MEAF6: variants seen among roughly 807,000 people sequenced by gnomAD.
The protein encoded by MEAF6 is chromatin modification-related protein MEAF6.
In MEAF6, 15 loss-of-function variants were observed where a neutral mutation model predicts 28.9. The ratio of observed to expected loss-of-function variants is 0.52; its 90% CI spans 0.35 to 0.80. The LOEUF (loss-of-function observed/expected upper bound fraction) is 0.80. Ranked by LOEUF, MEAF6 falls within the 30% of genes least tolerant of loss-of-function variation. The pLI is 0.01. For synonymous variants in MEAF6, 97 were observed against 88.7 expected (o/e 1.09, Z -0.53); for missense variants, 178 against 237.5 (o/e 0.75, Z 1.65).
chr1:37,510,435 G>A (rs12024863), intron 2 of MEAF6, among the ~76,000 whole-genome samples: 48,996 of 139,492 alleles, frequency 0.35, 8,726 homozygotes, highest in East Asian at 0.47. Flanking sequence ...AGACTGGAGT[G>A]CAGTGGTGCG....
Position 37,514,642 on chromosome 1 carries a change from G to C in MEAF6, c.90+15C>G. 1 of 1,519,430 alleles carries C rather than the reference G, an allele frequency of 6.6e-7. No homozygotes were observed. The highest frequency in any genetic ancestry group is 8.8e-7 in the Non-Finnish European group (1 of 1,137,820). The allele number at this position is 1,519,430 out of a possible 1,614,324, so 94.1% of individuals were successfully genotyped here. A position where few individuals can be genotyped will look rare whatever the true frequency, so the allele number is the denominator to read the frequency against. The stretch of plus-strand genomic sequence containing the variant: ...CGGAGCCCCATGCCGTGCAACCCCT[G>C]TCCTAGCCCCTCACCGCCAGCTCCT... On this transcript the variant is annotated intron_variant, in intron 1 of 6. Transcript: ENST00000296214.
In MEAF6 at chr1:37,508,684, C is replaced by T. The variant is rs116639581; in HGVS notation, c.340+594G>A. Among the ~76,000 whole-genome samples, 642 of 152,196 alleles carry T rather than the reference C, an allele frequency of 4.2e-3. 4 individuals carry two copies. The highest frequency in any genetic ancestry group is 0.015 in the African/African-American group (612 of 41,514). On this transcript the variant is annotated intron_variant, in intron 4 of 6. Transcript: ENST00000296214. ...AAGTTATTGTTTTAACTTTAATTCCCTAAGAATTTATAAGATTTATCAGTA... is the reference window on the plus strand; with the variant it reads ...AAGTTATTGTTTTAACTTTAATTCCTTAAGAATTTATAAGATTTATCAGTA...
chr1:37,499,346 T>C (rs1642222448), intron 5 of MEAF6, among the ~76,000 whole-genome samples: 1 of 152,190 alleles, frequency 6.6e-6, no homozygotes, highest in South Asian at 2.1e-4. Context: ...AGGATAAACA[T>C]GTACTATACT....
At chr1:37,502,562 TTTTTG>T (rs1458382731) in intron 4 of MEAF6, among the ~76,000 whole-genome samples, 1 of 124,928 alleles carries the variant, frequency 8.0e-6, no homozygotes, top group East Asian at 2.7e-4. Flanking sequence ...TCTTGTTTTT[TTTTTG>T]TTTGTTTGTT....
At position 37,492,587 on chromosome 1, in the gene MEAF6, A is replaced by G. The variant is rs1004606266; in HGVS notation, c.*1512T>C. On this transcript the variant is annotated 3_prime_UTR_variant, in exon 7 of 7. Transcript: ENST00000296214. ...AAAAAAAAAAAAAAAAAAAACCCACAAAAGTTTATTTGAGAACAAGAGTGA... is the reference window on the plus strand; with the variant it reads ...AAAAAAAAAAAAAAAAAAAACCCACGAAAGTTTATTTGAGAACAAGAGTGA... 1 of 150,634 alleles carries G rather than the reference A, an allele frequency of 6.6e-6. No homozygotes were observed. The highest frequency in any genetic ancestry group is 1.5e-5 in the Non-Finnish European group (1 of 67,578). The allele number at this position is 150,634 out of a possible 1,614,324, so 9.3% of individuals were successfully genotyped here. A position where few individuals can be genotyped will look rare whatever the true frequency, so the allele number is the denominator to read the frequency against.
At chr1:37,509,569 A>G in intron 2 of MEAF6, 27 bp from the exon 3 acceptor site, 1 of 1,594,742 alleles carries the variant, frequency 6.3e-7, no homozygotes, top group South Asian at 1.1e-5. Flanking sequence ...ACTCATTATG[A>G]GCACCAAGCT....
intron 5 of MEAF6, chr1:37,501,003 G>C (rs1452848343): frequency 6.5e-6 from 1 of 154,132 alleles, no homozygotes; most frequent in Non-Finnish European, 1.5e-5. Context: ...CTTGAGGCCA[G>C]CAAAACTCCT....
intron 2 of MEAF6, among the ~76,000 whole-genome samples, chr1:37,512,800 G>C (rs1238898219): frequency 6.6e-6 from 1 of 152,200 alleles, no homozygotes; most frequent in Non-Finnish European, 1.5e-5. Flanking sequence ...GCTGAGGTGG[G>C]AGGATCACTT....
At position 37,509,324 on chromosome 1, in the gene MEAF6, C is replaced by T; in HGVS notation, c.295-1G>A. On this transcript the variant is annotated splice_acceptor_variant, in intron 3 of 6. Coordinates refer to ENST00000296214, the MANE Select transcript of MEAF6 (RefSeq NM_001270875.3). LOFTEE classifies it high-confidence loss of function. ...GAACTCCTGCCAATGCACTTACTGC[C>T]TAAAAGAAAAGCCACCAGTTACTAG... 3 of 1,613,944 alleles carry T rather than the reference C, an allele frequency of 1.9e-6. No individual in the cohort carries two copies. Among genetic ancestry groups the T allele is most frequent in the Non-Finnish European group, 2.5e-6 (3 of 1,179,914 alleles).
At chr1:37,510,046 G>T (rs1188264587) in intron 2 of MEAF6, among the ~76,000 whole-genome samples, 1 of 151,706 alleles carries the variant, frequency 6.6e-6, no homozygotes, top group Non-Finnish European at 1.5e-5. Context: ...TAAAATGCTG[G>T]GATTACAGGC....
At chr1:37,496,292 G>A (rs1642127530) in intron 5 of MEAF6, among the ~76,000 whole-genome samples, 1 of 152,138 alleles carries the variant, frequency 6.6e-6, no homozygotes, top group Non-Finnish European at 1.5e-5. Flanking sequence ...GAGACACATG[G>A]TGATTAACAA....
At chr1:37,495,222 T>C (rs1642078770) in intron 6 of MEAF6, among the ~76,000 whole-genome samples, 1 of 151,222 alleles carries the variant, frequency 6.6e-6, no homozygotes, top group Non-Finnish European at 1.5e-5. Flanking sequence ...TCCCAGCTAC[T>C]CAGGAGGCTG....
intron 6 of MEAF6, among the ~76,000 whole-genome samples, chr1:37,495,674 A>G (rs1028928230): frequency 1.4e-5 from 2 of 144,032 alleles, no homozygotes. Context: ...AAGAGCAAGA[A>G]ACTGTCTCTC....
rs77163536 is a variant in MEAF6, at chr1:37,490,560, G to A, written c.*3539C>T. ...ATGTCAATTTTCTGTTGGAGACAGCGTCTTGCTACGTTACTCAGGCTGAAG... is the reference window on the plus strand; with the variant it reads ...ATGTCAATTTTCTGTTGGAGACAGCATCTTGCTACGTTACTCAGGCTGAAG... On this transcript the variant is annotated 3_prime_UTR_variant, in exon 7 of 7. Coordinates refer to ENST00000296214, the MANE Select transcript of MEAF6 (RefSeq NM_001270875.3). Among the ~76,000 whole-genome samples, 156 of 152,254 alleles carry A rather than the reference G, an allele frequency of 1.0e-3. 3 individuals carry two copies. In the East Asian group the frequency reaches 0.027, roughly 27 times the overall value.
chr1:37,501,391 A>AT (rs1391844010), intron 5 of MEAF6: 1 of 156,390 alleles, frequency 6.4e-6, no homozygotes, highest in African/African-American at 2.4e-5. Context: ...CCACAAAGAA[A>AT]TAAGAGTAGG....
chr1:37,492,385 G>A lies in MEAF6; in HGVS notation c.*1714C>T, dbSNP rs1297637547. ...TGCTTTCCCCAAAAGGAAGGAAACT[G>A]TAGGCATCCCACTCCTCCCTCCCAG... On this transcript the variant is annotated 3_prime_UTR_variant, in exon 7 of 7. Transcript: ENST00000296214. Among the ~76,000 whole-genome samples the A allele has an allele frequency of 1.3e-5, 2 of 151,652 alleles. No homozygotes were observed. The highest frequency in any genetic ancestry group is 4.8e-5 in the African/African-American group (2 of 41,262).
At position 37,501,837 on chromosome 1, in the gene MEAF6, C is replaced by G. The variant is rs1642314033; in HGVS notation, c.500G>C (p.Ser167Thr). ...GTTTTTATTCTTTCGCTTTTTATGG[C>G]TGCTGTGGTGACTCCCTGAGGAAGT... ...SSTSSGSHHS[S>T]HKKRKNKNRH... Residue 167 changes from serine (S) to threonine (T), a missense_variant, in exon 5 of 7, where the codon AGC becomes ACC. Coordinates refer to ENST00000296214, the MANE Select transcript of MEAF6 (RefSeq NM_001270875.3). The G allele has an allele frequency of 6.2e-7, 1 of 1,600,374 alleles. No individual in the cohort carries two copies. The highest frequency in any genetic ancestry group is 1.3e-5 in the African/African-American group (1 of 74,714).
Position 37,501,962 on chromosome 1 carries a change from AG to A in MEAF6, c.374del (p.Ser125PhefsTer26), listed in dbSNP as rs1432158988. 1 of 1,608,556 alleles carries A rather than the reference AG, an allele frequency of 6.2e-7. No homozygotes were observed. ...EPGSGTESDT[S>X]PDFHNQENEP... ...CATTTTCCTGATTGTGGAAGTCTGG[AG>A]AAGTGTCACTTTCCGTCCCACTTCC... On this transcript the variant is annotated frameshift_variant, in exon 5 of 7. Coordinates refer to ENST00000296214, the MANE Select transcript of MEAF6 (RefSeq NM_001270875.3). LOFTEE classifies it high-confidence loss of function.
intron 5 of MEAF6, among the ~76,000 whole-genome samples, chr1:37,499,235 T>G (rs1481173257): frequency 6.6e-6 from 1 of 152,202 alleles, no homozygotes; most frequent in Non-Finnish European, 1.5e-5. Flanking sequence ...TTTCCACCTT[T>G]GCTCACCACT....
Sources: allele counts gnomAD v4.1 joint callset (sites outside exome capture counted in the v4.1 genomes callset), GRCh38; gene constraint gnomAD v4.1.1; transcripts MANE v1.5; gene names NCBI Gene and HGNC (gene_info 2026-07-23, HGNC 2026-07-21).